Variants in BRSK2 observed in about 807,000 individuals in gnomAD.
BRSK2 encodes the protein serine/threonine-protein kinase BRSK2.
BRSK2 carries 19 observed loss-of-function variants against 83.3 expected under a neutral mutation model. That is an observed-to-expected ratio of 0.23 (90% CI 0.16 to 0.33). BRSK2 has a LOEUF of 0.33. Among genes scored for constraint, BRSK2 ranks in the 10% least tolerant of loss-of-function variants. The pLI, the probability that BRSK2 is intolerant of heterozygous loss-of-function variation, is 1.00. For missense variants in BRSK2, 798 were observed against 1,042.3 expected, an observed-to-expected ratio of 0.77 and a Z score of 3.23; for synonymous variants, 519 against 435.4, an observed-to-expected ratio of 1.19 and a Z score of -2.39.
chr11:1,456,289 C>T lies in BRSK2; in HGVS notation c.1669-59C>T, dbSNP rs756822314. On this transcript the variant is annotated intron_variant, in intron 16 of 19. Transcript: ENST00000528841. Reference sequence around the variant, plus strand: ...CTGGCTCGCCCCAGGGCTGCCTCCCCAGAGGGCCAGGGTGGGACCTGCCAG... The same window carrying T: ...CTGGCTCGCCCCAGGGCTGCCTCCCTAGAGGGCCAGGGTGGGACCTGCCAG... 3.4e-6 allele frequency: 5 copies of T among 1,474,678 alleles called. No homozygotes were observed. The East Asian group carries it at 7.4e-5, about 22-fold the overall frequency. 91.3% of individuals were successfully genotyped at this position (1,474,678 alleles called of 1,614,324 possible).
chr11:1,435,981 C>A, intron 1 of BRSK2, 59 bp from the exon 2 acceptor site: 1 of 1,341,148 alleles, frequency 7.5e-7, no homozygotes, highest in South Asian at 1.3e-5. Context: ...CACTGTCCGG[C>A]TGGGTGCTCG....
At position 1,460,613 on chromosome 11, in the gene BRSK2, C is replaced by G. The variant is rs1201003390; in HGVS notation, c.2101C>G (p.Leu701Val). The change falls in exon 20 of 20, where the codon CTC (leucine) becomes GTC (valine). Residue 701 changes from leucine to valine, a missense_variant. Leu to Val is a conservative substitution (Grantham distance 32). This residue lies in a region of BRSK2 where 455 missense variants were observed against 455.2 expected (regional missense o/e 1.00). Transcript: ENST00000528841. ...TPAKRSAHGPLGDSAAAGPGP... is the reference protein window; with the variant it reads ...TPAKRSAHGPVGDSAAAGPGP... ...CGCCAAGCGGAGTGCCCACGGCCCA[C>G]TCGGTGACTCCGCGGCCGCTGGCCC... 2 of 1,531,566 alleles carry G rather than the reference C, an allele frequency of 1.3e-6. No homozygotes were observed. Among genetic ancestry groups the G allele is most frequent in the African/African-American group, 2.7e-5 (2 of 72,782 alleles). The allele number at this position is 1,531,566 out of a possible 1,614,324, so 94.9% of individuals were successfully genotyped here.
chr11:1,450,186 C>T (rs1352448133), intron 13 of BRSK2, among the ~76,000 whole-genome samples: 3 of 151,944 alleles, frequency 2.0e-5, no homozygotes, highest in Non-Finnish European at 4.4e-5. Flanking sequence ...CGCGCGGCTG[C>T]CCCCACCCCG....
chr11:1,442,986 G>C lies in BRSK2; in HGVS notation c.531-120G>C, dbSNP rs1217237333. The C allele has an allele frequency of 7.7e-6, 9 of 1,167,472 alleles. No individual in the cohort carries two copies. In the East Asian group the frequency reaches 2.1e-4, roughly 27 times the overall value. The allele number at this position is 1,167,472 out of a possible 1,614,324, so 72.3% of individuals were successfully genotyped here. On this transcript the variant is annotated intron_variant, in intron 5 of 19. Coordinates refer to ENST00000528841, the MANE Select transcript of BRSK2 (RefSeq NM_001256627.2). ...CCCGCCTGGGGATGCAGGGAATGTGGGGGCGTCTGGCACCACAGCCCTGGA... is the reference window on the plus strand; with the variant it reads ...CCCGCCTGGGGATGCAGGGAATGTGCGGGCGTCTGGCACCACAGCCCTGGA...
chr11:1,446,816 T>G (rs1440882886), intron 12 of BRSK2, among the ~76,000 whole-genome samples: 1 of 152,070 alleles, frequency 6.6e-6, no homozygotes, highest in Non-Finnish European at 1.5e-5. Flanking sequence ...CACCAGGAGG[T>G]CCAGGAGCCC....
chr11:1,454,309 G>C lies in BRSK2; in HGVS notation c.1545-176G>C, dbSNP rs746490124. On this transcript the variant is annotated intron_variant, in intron 15 of 19. Transcript: ENST00000528841. The surrounding 1 kb of genome is among the most constrained non-coding windows in gnomAD (Gnocchi z 5.2). ...GCCACGGTGATGGTCAGGGCATATG[G>C]GCTAGGGTTAGGGCGTTGGGGTCAG... 2.2e-4 allele frequency: 153 copies of C among 701,982 alleles called. 1 individual carries two copies. The highest frequency in any genetic ancestry group is 3.3e-4 in the Non-Finnish European group (137 of 414,622). The allele number at this position is 701,982 out of a possible 1,614,324, so 43.5% of individuals were successfully genotyped here. A position where few individuals can be genotyped will look rare whatever the true frequency, so the allele number is the denominator to read the frequency against.
intron 4 of BRSK2, among the ~76,000 whole-genome samples, chr11:1,442,046 T>TC (rs1443923972): frequency 1.8e-4 from 25 of 136,376 alleles, no homozygotes; most frequent in African/African-American, 6.5e-4. Context: ...GCTTCCCTTT[T>TC]CCCCCTGAGG....
intron 1 of BRSK2, among the ~76,000 whole-genome samples, chr11:1,434,340 G>T (rs1590495761): frequency 6.6e-6 from 1 of 151,032 alleles, no homozygotes; most frequent in East Asian, 2.0e-4. Flanking sequence ...TGATAACCTG[G>T]GCCGGCTCTG....
intron 1 of BRSK2, among the ~76,000 whole-genome samples, chr11:1,396,852 C>A (rs564982987): frequency 1.3e-5 from 2 of 152,366 alleles, no homozygotes; most frequent in East Asian, 3.9e-4. Context: ...CTGTGCAGTT[C>A]TGGGCCCTGC....
intron 12 of BRSK2, chr11:1,447,954 G>T (rs1852380669): frequency 3.9e-6 from 5 of 1,275,926 alleles, no homozygotes; most frequent in South Asian, 1.3e-5. Flanking sequence ...GGGTCTGGTG[G>T]CGGGCTGGGC....
chr11:1,405,791 C>A (rs1306999987), intron 1 of BRSK2, among the ~76,000 whole-genome samples: 1 of 152,154 alleles, frequency 6.6e-6, no homozygotes, highest in African/African-American at 2.4e-5. Flanking sequence ...CAGCAGCCCG[C>A]ATCTCCAGCG....
At chr11:1,428,583 C>T (rs115792516) in intron 1 of BRSK2, among the ~76,000 whole-genome samples, 227 of 152,318 alleles carry the variant, frequency 1.5e-3, no homozygotes, top group African/African-American at 4.7e-3. Context: ...CAGCAGTGTC[C>T]TTTCAATAAA....
rs1847552184 is a variant in BRSK2, at chr11:1,461,955, G to C, written c.*1232G>C. 6.6e-6 allele frequency: 1 copy of C among 152,132 alleles called. No individual in the cohort carries two copies. The highest frequency in any genetic ancestry group is 2.4e-5 in the African/African-American group (1 of 41,426). 9.4% of individuals were successfully genotyped at this position (152,132 alleles called of 1,614,324 possible). On this transcript the variant is annotated 3_prime_UTR_variant, in exon 20 of 20. Coordinates refer to ENST00000528841, the MANE Select transcript of BRSK2 (RefSeq NM_001256627.2). ...GCAGAGGGGCGGTGTCTTGTAGCGG[G>C]CGGCAGCGCCAGCGCCCCTCTGTCA...
chr11:1,399,576 G>A (rs183919275), intron 1 of BRSK2, among the ~76,000 whole-genome samples: 7 of 152,214 alleles, frequency 4.6e-5, no homozygotes, highest in African/African-American at 1.7e-4. Context: ...GGGGATGCCA[G>A]GGCCGCACAG....
At chr11:1,402,176 G>A (rs1453175034) in intron 1 of BRSK2, among the ~76,000 whole-genome samples, 2 of 152,220 alleles carry the variant, frequency 1.3e-5, no homozygotes, top group Non-Finnish European at 2.9e-5. Context: ...AAGGCTGGGG[G>A]GCCTGACCTT....
chr11:1,443,106 G>T lies in BRSK2; in HGVS notation c.531G>T (p.Gly177=), dbSNP rs1435752732. ...CGCTGACCTCTGCCCTTGCCCGCAG[G>T]TCCCCCCACTACGCCTGCCCCGAGG... The part of the protein sequence containing the change: ...VGDSLLETSC[G]SPHYACPEVI... Residue 177 remains glycine (G), a splice_region_variant and synonymous_variant, in exon 6 of 20, where the codon GGG becomes GGT. Transcript: ENST00000528841. 6.5e-7 allele frequency: 1 copy of T among 1,534,874 alleles called. No individual in the cohort carries two copies.
rs778098944 is a variant in BRSK2 at position 1,449,769 on chromosome 11, C to T, written c.1227-7C>T. On this transcript the variant is annotated splice_region_variant and splice_polypyrimidine_tract_variant and intron_variant, in intron 12 of 19. Transcript: ENST00000528841. ...TGAGCAGTGGCCCTGTACCTTGTGA[C>T]CTCCAGGTCTCGGTCCATCAGCGGT... 5 of 1,611,684 alleles carry T rather than the reference C, an allele frequency of 3.1e-6. No homozygotes were observed. The highest frequency in any genetic ancestry group is 1.7e-5 in the Admixed American group (1 of 59,948).
chr11:1,440,147 G>A (rs530583053), intron 3 of BRSK2, among the ~76,000 whole-genome samples: 2 of 152,320 alleles, frequency 1.3e-5, no homozygotes, highest in South Asian at 2.1e-4. Context: ...CCAAGCAGCT[G>A]CATGCAGCGT....
Position 1,402,042 on chromosome 11 carries a change from C to T in BRSK2, c.91+11667C>T, listed in dbSNP as rs180798341. 3.9e-3 allele frequency among the ~76,000 whole-genome samples: 599 copies of T among 152,310 alleles called. 10 individuals are homozygous for T. The highest frequency in any genetic ancestry group is 1.4e-3 in the East Asian group (7 of 5,162). On this transcript the variant is annotated intron_variant, in intron 1 of 19. Coordinates refer to ENST00000528841, the MANE Select transcript of BRSK2 (RefSeq NM_001256627.2). ...CCCTGAGCAGACCCACAGGACCCAC[C>T]CCTCGTGCCCCGCCAGGGCCTCTCT...
Sources: allele counts gnomAD v4.1 joint callset (sites outside exome capture counted in the v4.1 genomes callset), GRCh38; gene constraint gnomAD v4.1.1; regional missense constraint gnomAD v4.1.1; non-coding constraint Gnocchi (gnomAD v3.1); transcripts MANE v1.5; gene names NCBI Gene and HGNC (gene_info 2026-07-23, HGNC 2026-07-21).